SLC6A4: variants seen among roughly 807,000 people sequenced by gnomAD.
SLC6A4 encodes the protein sodium-dependent serotonin transporter.
SLC6A4 carries 22 observed loss-of-function variants against 73.4 expected under a neutral mutation model. The observed-to-expected ratio is 0.30, with a 90% CI of 0.21 to 0.43. The LOEUF (loss-of-function observed/expected upper bound fraction) is 0.43. Among genes scored for constraint, SLC6A4 ranks in the 20% least tolerant of loss-of-function variants. The pLI, the probability that SLC6A4 is intolerant of heterozygous loss-of-function variation, is 1.00. For synonymous variants in SLC6A4, 270 were observed against 315.5 expected, an observed-to-expected ratio of 0.86 and a Z score of 1.53; for missense variants, 593 against 808.5, an observed-to-expected ratio of 0.73 and a Z score of 3.23.
rs551252395 is a variant in SLC6A4, at chr17:30,197,770, T to C, written c.*686A>G. 1 of 152,454 alleles carries C rather than the reference T, an allele frequency of 6.6e-6. No homozygotes were observed. The highest frequency in any genetic ancestry group is 1.5e-5 in the Non-Finnish European group (1 of 68,020). 9.4% of individuals were successfully genotyped at this position (152,454 alleles called of 1,614,324 possible). A position where few individuals can be genotyped will look rare whatever the true frequency, so the allele number is the denominator to read the frequency against. ...ATAATAACCTCCATACACAATTGAG[T>C]TGGTAGAATTTGTTAATGTAAGAAA... On this transcript the variant is annotated 3_prime_UTR_variant, in exon 15 of 15. Transcript: ENST00000650711.
At position 30,218,310 on chromosome 17, in the gene SLC6A4, G is replaced by A; in HGVS notation, c.506C>T (p.Ala169Val). Reference protein sequence around the residue: ...KGIGYAICIIAFYIASYYNTI... With the variant: ...KGIGYAICIIVFYIASYYNTI... ...GTTGTAGTAGGAAGCAATGTAAAAG[G>A]CAATGATGCAGATGGCATAACCAAT... Residue 169 changes from alanine to valine, a missense_variant, in exon 5 of 15, where the codon GCC (alanine) becomes GTC (valine). Physicochemically the swap from Ala to Val is moderately conservative, Grantham distance 64. Coordinates refer to ENST00000650711, the MANE Select transcript of SLC6A4 (RefSeq NM_001045.6). 2.5e-6 allele frequency: 4 copies of A among 1,614,062 alleles called. No homozygotes were observed. Among genetic ancestry groups the A allele is most frequent in the Non-Finnish European group, 3.4e-6 (4 of 1,179,956 alleles).
At position 30,195,685 on chromosome 17, in the gene SLC6A4, A is replaced by T. The variant is rs1463165832; in HGVS notation, c.*2771T>A. 4 of 152,148 alleles carry T rather than the reference A, an allele frequency of 2.6e-5. No individual in the cohort carries two copies. The highest frequency in any genetic ancestry group is 2.6e-4 in the Admixed American group (4 of 15,258). 9.4% of individuals were successfully genotyped at this position (152,148 alleles called of 1,614,324 possible). On this transcript the variant is annotated 3_prime_UTR_variant, in exon 15 of 15. Coordinates refer to ENST00000650711, the MANE Select transcript of SLC6A4 (RefSeq NM_001045.6). ...TCTCTGCCTCTAATGGCATTATCTG[A>T]CCTTTAAAATATTATTATCATTAAA...
Position 30,207,749 on chromosome 17 carries a change from T to A in SLC6A4, c.1633A>T (p.Ser545Cys), listed in dbSNP as rs753232412. The change falls in exon 13 of 15, where the codon AGC becomes TGC. Residue 545 changes from serine (S) to cysteine (C), a missense_variant. Physicochemically the swap from Ser to Cys is moderately radical, Grantham distance 112 (BLOSUM62 -1). Coordinates refer to ENST00000650711, the MANE Select transcript of SLC6A4 (RefSeq NM_001045.6). ...CAACTCACCAGGAGAAACAGAGGGC[T>A]GATGGCCACCCAGCAGATCCTCCAG... ...WFWRICWVAI[S>C]PLFLLFIICS... 14 of 1,612,646 alleles carry A rather than the reference T, an allele frequency of 8.7e-6. No homozygotes were observed. The highest frequency in any genetic ancestry group is 1.2e-5 in the Non-Finnish European group (14 of 1,178,680).
At chr17:30,230,067 A>AAGAAGAAGAAGAAGAAGAAGG (rs1907043501) in intron 1 of SLC6A4, among the ~76,000 whole-genome samples, 1 of 109,028 alleles carries the variant, frequency 9.2e-6, no homozygotes, top group South Asian at 2.6e-4. Flanking sequence ...GAAGAAGAAG[A>AAGAAGAAGAAGAAGAAGAAGG]AGAAGAAGAA....
intron 1 of SLC6A4, among the ~76,000 whole-genome samples, chr17:30,230,087 G>A (rs1022318591): frequency 5.4e-5 from 7 of 129,722 alleles, no homozygotes; most frequent in African/African-American, 2.6e-4. Flanking sequence ...AGAAGAAGAA[G>A]AAGAAGAAGA....
intron 14 of SLC6A4, among the ~76,000 whole-genome samples, chr17:30,199,524 T>C (rs145656254): frequency 6.6e-6 from 1 of 152,294 alleles, no homozygotes; most frequent in East Asian, 1.9e-4. Context: ...CTTCAAGCTT[T>C]TCTATTTTCT....
Position 30,198,515 on chromosome 17 carries a change from T to C in SLC6A4, c.1834A>G (p.Ile612Val), listed in dbSNP as rs752898241. Residue 612 changes from isoleucine (I) to valine (V), a missense_variant, in exon 15 of 15, where the codon ATT (isoleucine) becomes GTT (valine). Transcript: ENST00000650711. Reference sequence around the variant, plus strand: ...ATTTCTGTTGGTGTTTCTGGGGTAATACTTTTAATAATACGCTATTGGGAA... The same window carrying C: ...ATTTCTGTTGGTGTTTCTGGGGTAACACTTTTAATAATACGCTATTGGGAA... ...GTFKERIIKSITPETPTEIPC... is the reference protein window; with the variant it reads ...GTFKERIIKSVTPETPTEIPC... 1.9e-6 allele frequency: 3 copies of C among 1,591,136 alleles called. No homozygotes were observed. The highest frequency in any genetic ancestry group is 1.3e-5 in the African/African-American group (1 of 74,564).
At chr17:30,225,944 T>C (rs191317630) in intron 1 of SLC6A4, among the ~76,000 whole-genome samples, 41 of 152,312 alleles carry the variant, frequency 2.7e-4, no homozygotes, top group African/African-American at 9.1e-4. Flanking sequence ...TTTGTCTCTA[T>C]AGCCAGGAGC....
intron 1 of SLC6A4, among the ~76,000 whole-genome samples, chr17:30,226,880 A>AAAAAAAAAAAAAAG (rs1906945564): frequency 8.1e-6 from 1 of 123,568 alleles, no homozygotes; most frequent in Non-Finnish European, 1.8e-5. Flanking sequence ...CTCAAAAAAA[A>AAAAAAAAAAAAAAG]AAGAAAAAGA....
intron 4 of SLC6A4, among the ~76,000 whole-genome samples, 163 bp downstream of exon 4, chr17:30,218,634 A>G (rs1399165892): frequency 6.6e-6 from 1 of 152,064 alleles, no homozygotes; most frequent in African/African-American, 2.4e-5. Context: ...CTCTTTGACA[A>G]TTTCACACCA....
Position 30,218,949 on chromosome 17 carries a change from C to T in SLC6A4, c.344-18G>A. On this transcript the variant is annotated intron_variant, in intron 3 of 14. Transcript: ENST00000650711. ...GAATGCCCCTGAGGCAGATGAAAGA[C>T]AATTTCACTCCCTGCCCACGTCTGT... 1 of 1,613,596 alleles carries T rather than the reference C, an allele frequency of 6.2e-7. No individual in the cohort carries two copies.
At position 30,221,971 on chromosome 17, in the gene SLC6A4, T is replaced by G. The variant is rs1906776697; in HGVS notation, c.-13A>C. On this transcript the variant is annotated 5_prime_UTR_variant, in exon 3 of 15. Transcript: ENST00000650711. ...GCGTCGTCTCCATCCTGCTGGTTAG[T>G]AAATGACACTGATGTCCATCTGCCA... 6.2e-7 allele frequency: 1 copy of G among 1,613,904 alleles called. No individual in the cohort carries two copies. The highest frequency in any genetic ancestry group is 8.5e-7 in the Non-Finnish European group (1 of 1,180,028).
At chr17:30,220,875 A>T (rs1421610060) in intron 3 of SLC6A4, among the ~76,000 whole-genome samples, 1 of 151,412 alleles carries the variant, frequency 6.6e-6, no homozygotes, top group Admixed American at 6.6e-5. Context: ...GATGCTGGAG[A>T]TCTGTGAGGT....
intron 13 of SLC6A4, among the ~76,000 whole-genome samples, chr17:30,207,020 T>C (rs536071446): frequency 2.0e-5 from 3 of 152,236 alleles, no homozygotes; most frequent in Non-Finnish European, 4.4e-5. Context: ...TCTCCTTAAA[T>C]GTAAAATGGG....
chr17:30,211,382 T>G lies in SLC6A4; in HGVS notation c.1247A>C (p.Asn416Thr). ...GGCAAAGAAAGTGGACGCTGGCATG[T>G]TGGCTATCGCTTCTGCATACGTGAT... The part of the protein sequence containing the change: ...LFITYAEAIA[N>T]MPASTFFAII... Residue 416 changes from asparagine to threonine, a missense_variant, in exon 10 of 15, where the codon AAC becomes ACC. By Grantham distance (65) the Asn-to-Thr change is moderately conservative. Transcript: ENST00000650711. This position sits in a 1 kb window ranked among gnomAD's most constrained non-coding sequence, Gnocchi z 4.0. The G allele has an allele frequency of 1.2e-6, 2 of 1,613,880 alleles. No homozygotes were observed. The highest frequency in any genetic ancestry group is 2.7e-5 in the African/African-American group (2 of 75,022).
At chr17:30,216,033 C>T (rs371038233) in intron 7 of SLC6A4, 49 bp downstream of exon 7, 67 of 1,564,494 alleles carry the variant, frequency 4.3e-5, no homozygotes, top group African/African-American at 2.6e-4. Flanking sequence ...GGACCAGCTT[C>T]GTTTAGTAAA....
intron 3 of SLC6A4, 55 bp downstream of exon 3, chr17:30,221,561 C>G: frequency 3.3e-6 from 5 of 1,518,002 alleles, no homozygotes; most frequent in Non-Finnish European, 3.6e-6. Context: ...ACAGCCCACT[C>G]CGGGTCACAG....
In SLC6A4 at chr17:30,194,460, G is replaced by A. The variant is rs202010082; in HGVS notation, c.*3996C>T. The A allele has an allele frequency of 1.3e-5, 2 of 151,986 alleles. No individual in the cohort carries two copies. Among genetic ancestry groups the A allele is most frequent in the African/African-American group, 4.8e-5 (2 of 41,396 alleles). 9.4% of individuals were successfully genotyped at this position (151,986 alleles called of 1,614,324 possible). A position where few individuals can be genotyped will look rare whatever the true frequency, so the allele number is the denominator to read the frequency against. ...AATAAATTTAGGTTTAATTCTGCCA[G>A]ATAAAATTAATTTTAGATATGTCCA... On this transcript the variant is annotated 3_prime_UTR_variant, in exon 15 of 15. Coordinates refer to ENST00000650711, the MANE Select transcript of SLC6A4 (RefSeq NM_001045.6).
intron 8 of SLC6A4, among the ~76,000 whole-genome samples, chr17:30,214,185 G>A (rs922894639): frequency 9.9e-5 from 15 of 152,212 alleles, no homozygotes; most frequent in South Asian, 2.1e-4. Flanking sequence ...CACTTTGGGA[G>A]GCTGAGGCAG....
Sources: allele counts gnomAD v4.1 joint callset (sites outside exome capture counted in the v4.1 genomes callset), GRCh38; gene constraint gnomAD v4.1.1; non-coding constraint Gnocchi (gnomAD v3.1); transcripts MANE v1.5; gene names NCBI Gene and HGNC (gene_info 2026-07-23, HGNC 2026-07-21).